The following GGT7 variants were observed in gnomAD, a reference collection of about 807,000 sequenced individuals.
GGT7 encodes the protein glutathione hydrolase 7.
Under a neutral mutation model 69.2 loss-of-function variants are expected in GGT7, and 30 were observed. That is an observed-to-expected ratio of 0.43 (90% CI 0.32 to 0.59). The LOEUF (loss-of-function observed/expected upper bound fraction) is 0.59, where lower values mean the gene tolerates loss of function less well. GGT7 is among the 20% of genes least tolerant of loss of function. GGT7 has a pLI of 0.05. For synonymous variants in GGT7, 388 were observed against 391.8 expected (o/e 0.99, Z 0.12); for missense variants, 733 against 901.1 (o/e 0.81, Z 2.39).
chr20:34,850,107 T>C lies in GGT7; in HGVS notation c.1726-47A>G, dbSNP rs371023655. The C allele has an allele frequency of 6.5e-5, 81 of 1,254,380 alleles. No individual in the cohort carries two copies. The African/African-American group carries it at 1.1e-3, about 17-fold the overall frequency. The allele number at this position is 1,254,380 out of a possible 1,614,324, so 77.7% of individuals were successfully genotyped here. A position where few individuals can be genotyped will look rare whatever the true frequency, so the allele number is the denominator to read the frequency against. ...AAAATCAGGGCTGTCCCAGGGGTGA[T>C]GGTCCAGGATTCCTCAGCTCTCACC... On this transcript the variant is annotated intron_variant, in intron 13 of 14. Transcript: ENST00000336431.
rs150166295 is a variant in GGT7 at position 34,856,544 on chromosome 20, T to C, written c.1102+262A>G. Among the ~76,000 whole-genome samples the C allele has an allele frequency of 3.3e-5, 5 of 152,312 alleles. No homozygotes were observed. In the East Asian group the frequency reaches 7.7e-4, roughly 24 times the overall value. Reference sequence around the variant, plus strand: ...ACAGAGCCCAAATCAAGAAAACCTATGGCCAGAACCCCAACTTCCAGGTTG... The same window carrying C: ...ACAGAGCCCAAATCAAGAAAACCTACGGCCAGAACCCCAACTTCCAGGTTG... On this transcript the variant is annotated intron_variant, in intron 8 of 14. Coordinates refer to ENST00000336431, the MANE Select transcript of GGT7 (RefSeq NM_178026.3).
intron 14 of GGT7, among the ~76,000 whole-genome samples, chr20:34,846,367 G>A (rs1247186997): frequency 6.8e-6 from 1 of 147,388 alleles, no homozygotes; most frequent in Admixed American, 6.8e-5. Context: ...GCAATGGCAC[G>A]ATTTTGGCTC....
chr20:34,845,555 A>C, intron 14 of GGT7, 64 bp from the exon 15 acceptor site: 1 of 1,419,734 alleles, frequency 7.0e-7, no homozygotes, highest in Non-Finnish European at 9.8e-7. Context: ...AGAGTCCTAC[A>C]GTCAGACCTG....
Position 34,845,373 on chromosome 20 carries a change from A to G in GGT7, c.1944T>C (p.Val648=). The G allele has an allele frequency of 1.2e-6, 2 of 1,614,168 alleles. No homozygotes were observed. Among genetic ancestry groups the G allele is most frequent in the South Asian group, 2.2e-5 (2 of 91,086 alleles). Residue 648 remains valine, a synonymous_variant, in exon 15 of 15, where the codon GTT becomes GTC. Transcript: ENST00000336431. ...CTGCATCTGGGCTCCGAGGGTCCTT[A>G]ACAGCGATGATGAAGTTGTTGGTCC... ...SRRTNNFIIA[V]KDPRSPDAAG...
At chr20:34,862,527 C>T (rs1232336769) in intron 3 of GGT7, among the ~76,000 whole-genome samples, 1 of 149,274 alleles carries the variant, frequency 6.7e-6, no homozygotes, top group African/African-American at 2.5e-5. Context: ...TAATTGATGA[C>T]AGTATACCTC....
intron 6 of GGT7, 87 bp downstream of exon 6, chr20:34,859,882 G>A (rs1400706547): frequency 1.0e-6 from 1 of 983,500 alleles, no homozygotes; most frequent in Non-Finnish European, 1.6e-6. Flanking sequence ...GGAAGAGAGG[G>A]CCTCTCTGGC....
rs2079642912 is a variant in GGT7, at chr20:34,863,758, T to A, written c.170-210A>T. On this transcript the variant is annotated intron_variant, in intron 1 of 14. Transcript: ENST00000336431. The surrounding 1 kb of genome is among the most constrained non-coding windows in gnomAD (Gnocchi z 4.4). ...AGGAAGAGACAGGGACCTCCCCAGC[T>A]GGGCAGCAGGGAGGCTGGATTCCCG... 1.4e-6 allele frequency: 1 copy of A among 711,652 alleles called. No homozygotes were observed. The highest frequency in any genetic ancestry group is 1.8e-5 in the African/African-American group (1 of 57,130). 44.1% of individuals were successfully genotyped at this position (711,652 alleles called of 1,614,324 possible).
chr20:34,866,871 G>T (rs891215446), intron 1 of GGT7, among the ~76,000 whole-genome samples: 1 of 151,998 alleles, frequency 6.6e-6, no homozygotes, highest in Non-Finnish European at 1.5e-5. Context: ...ATAAGCCACC[G>T]CACCCTGCTG....
chr20:34,854,380 A>G, intron 10 of GGT7, 151 bp downstream of exon 10: 1 of 607,046 alleles, frequency 1.6e-6, no homozygotes, highest in East Asian at 2.8e-5. Context: ...AGGTGCAGGG[A>G]GAGGCACCCA....
At chr20:34,862,779 A>G (rs779682648) in intron 3 of GGT7, 35 bp downstream of exon 3, 1 of 1,611,044 alleles carries the variant, frequency 6.2e-7, no homozygotes, top group South Asian at 1.1e-5. Flanking sequence ...GGCAAGAAGT[A>G]GGCCTGGGGG....
rs1317680628 is a variant in GGT7, at chr20:34,845,124, C to CCAT, written c.*203_*204insATG. On this transcript the variant is annotated 3_prime_UTR_variant, in exon 15 of 15. Transcript: ENST00000336431. ...TAGATGCTGACACTCACCACCACCA[C>CCAT]CACCACCACCACCACCACCACCACC... 2 of 433,258 alleles carry CCAT rather than the reference C, an allele frequency of 4.6e-6. No individual in the cohort carries two copies. Among genetic ancestry groups the CCAT allele is most frequent in the Non-Finnish European group, 8.4e-6 (2 of 237,544 alleles). The allele number at this position is 433,258 out of a possible 1,614,324, so 26.8% of individuals were successfully genotyped here. A position where few individuals can be genotyped will look rare whatever the true frequency, so the allele number is the denominator to read the frequency against.
chr20:34,846,255 C>T (rs574095151), intron 14 of GGT7, among the ~76,000 whole-genome samples: 2 of 152,028 alleles, frequency 1.3e-5, no homozygotes, highest in South Asian at 4.2e-4. Flanking sequence ...TCCTTCCTTA[C>T]TGGTCTCCCT....
chr20:34,854,376 A>ACACT (rs2079451828), intron 10 of GGT7, among the ~76,000 whole-genome samples, 155 bp downstream of exon 10: 1 of 152,232 alleles, frequency 6.6e-6, no homozygotes, highest in Non-Finnish European at 1.5e-5. Context: ...GGTGAGGTGC[A>ACACT]GGGAGAGGCA....
At chr20:34,852,684 A>C (rs2079418726) in intron 10 of GGT7, 146 bp from the exon 11 acceptor site, 2 of 643,598 alleles carry the variant, frequency 3.1e-6, no homozygotes, top group African/African-American at 1.9e-5. Context: ...AAGCTCATTA[A>C]TTGCACATAA....
At chr20:34,850,283 A>G in intron 13 of GGT7, 1 of 729,654 alleles carries the variant, frequency 1.4e-6, no homozygotes, top group South Asian at 1.4e-5. Context: ...CTTACTCCAG[A>G]GTTTAGAGGA....
chr20:34,845,150 A>ACCACCACCC lies in GGT7; in HGVS notation c.*177_*178insGGGTGGTGG. 2 of 300,128 alleles carry ACCACCACCC rather than the reference A, an allele frequency of 6.7e-6. No individual in the cohort carries two copies. Among genetic ancestry groups the ACCACCACCC allele is most frequent in the Non-Finnish European group, 6.3e-6 (1 of 159,400 alleles). The allele number at this position is 300,128 out of a possible 1,614,324, so 18.6% of individuals were successfully genotyped here. ...CACCACCACCACCACCACCACCACC[A>ACCACCACCC]CCACAGGCCTCCTGATGGAGAATTT... is the stretch of plus-strand genomic sequence containing the variant. On this transcript the variant is annotated 3_prime_UTR_variant, in exon 15 of 15. Transcript: ENST00000336431.
chr20:34,854,485 C>T (rs1389644896), intron 10 of GGT7, 46 bp downstream of exon 10: 2 of 1,176,736 alleles, frequency 1.7e-6, no homozygotes, highest in Non-Finnish European at 2.5e-6. Context: ...CCTTTCCCCA[C>T]ACCCACCGCT....
chr20:34,872,792 G>A lies in GGT7; in HGVS notation c.24C>T (p.Ser8=), dbSNP rs2079802830. ...AGTAGGCGCCCAGGGCGCTCTCCTG[G>A]CTGGCCTCGTTCTCCGCCGCCATCC... MAAENEA[S]QESALGAYSP... Residue 8 remains serine (S), a synonymous_variant, in exon 1 of 15, where the codon AGC becomes AGT. Coordinates refer to ENST00000336431, the MANE Select transcript of GGT7 (RefSeq NM_178026.3). The A allele has an allele frequency of 8.7e-6, 12 of 1,380,154 alleles. No individual in the cohort carries two copies. The highest frequency in any genetic ancestry group is 1.1e-5 in the Non-Finnish European group (12 of 1,060,006). The allele number at this position is 1,380,154 out of a possible 1,614,324, so 85.5% of individuals were successfully genotyped here.
intron 14 of GGT7, among the ~76,000 whole-genome samples, chr20:34,845,948 TACTC>T (rs2146876434): frequency 6.6e-6 from 1 of 151,968 alleles, no homozygotes; most frequent in South Asian, 2.1e-4. Flanking sequence ...TAGTCCCAGA[TACTC>T]AGGAGGCTAA....
Sources: allele counts gnomAD v4.1 joint callset (sites outside exome capture counted in the v4.1 genomes callset), GRCh38; gene constraint gnomAD v4.1.1; non-coding constraint Gnocchi (gnomAD v3.1); transcripts MANE v1.5; gene names NCBI Gene and HGNC (gene_info 2026-07-23, HGNC 2026-07-21).